DUSP14: variants seen among roughly 807,000 people sequenced by gnomAD.
DUSP14 encodes the protein dual specificity protein phosphatase 14.
Under a neutral mutation model 13.2 loss-of-function variants are expected in DUSP14, and 5 were observed. That is an observed-to-expected ratio of 0.38 (90% confidence interval 0.20 to 0.80). The LOEUF (loss-of-function observed/expected upper bound fraction) is 0.80. Ranked by LOEUF, DUSP14 falls within the 30% of genes least tolerant of loss-of-function variation. The probability of loss-of-function intolerance (pLI) is 0.44; values close to 1 mark genes in which losing one functional copy is unlikely to be tolerated. For synonymous variants in DUSP14, 91 were observed against 103.4 expected, an observed-to-expected ratio of 0.88 and a Z score of 0.73; for missense variants, 185 against 264.0, an observed-to-expected ratio of 0.70 and a Z score of 2.07.
chr17:37,506,689 A>G (rs959815249), intron 1 of DUSP14, among the ~76,000 whole-genome samples: 67 of 152,150 alleles, frequency 4.4e-4, no homozygotes, highest in African/African-American at 1.6e-3. Flanking sequence ...ATTTTTTACC[A>G]TCCAGTTCTA....
chr17:37,495,749 T>C (rs1007613233), intron 1 of DUSP14, among the ~76,000 whole-genome samples: 5 of 152,072 alleles, frequency 3.3e-5, no homozygotes, highest in Non-Finnish European at 5.9e-5. Flanking sequence ...AACCTCCGCT[T>C]CCCAGGTTCA....
At chr17:37,507,091 A>G (rs1202172917) in intron 1 of DUSP14, among the ~76,000 whole-genome samples, 1 of 152,184 alleles carries the variant, frequency 6.6e-6, no homozygotes, top group Non-Finnish European at 1.5e-5. Flanking sequence ...TCACTTCTCA[A>G]GTTGAAATCT....
chr17:37,491,421 A>C (rs1359617332), intron 1 of DUSP14: 7 of 152,290 alleles, frequency 4.6e-5, no homozygotes, highest in Admixed American at 1.3e-4. Context: ...AGCCCTGCAC[A>C]GGAGGCTTGA....
At chr17:37,511,937 A>AATTTT (rs1329764853) in intron 2 of DUSP14, among the ~76,000 whole-genome samples, 1 of 16,438 alleles carries the variant, frequency 6.1e-5, no homozygotes. Context: ...CCCCCACCCC[A>AATTTT]CTTTTTTTTT....
At chr17:37,503,701 GTTA>G (rs1201023704) in intron 1 of DUSP14, among the ~76,000 whole-genome samples, 2 of 152,366 alleles carry the variant, frequency 1.3e-5, no homozygotes, top group South Asian at 2.1e-4. Context: ...ACCTTTTATA[GTTA>G]TTGATAGTCT....
At chr17:37,490,623 C>T (rs943272584) in intron 1 of DUSP14, among the ~76,000 whole-genome samples, 3 of 152,014 alleles carry the variant, frequency 2.0e-5, no homozygotes, top group African/African-American at 7.2e-5. Flanking sequence ...GTGGTACCAG[C>T]CAGTGTTATG....
chr17:37,506,555 A>T (rs1443400768), intron 1 of DUSP14, among the ~76,000 whole-genome samples: 6 of 152,132 alleles, frequency 3.9e-5, no homozygotes, highest in Non-Finnish European at 8.8e-5. Context: ...AGAGAGCACC[A>T]TGCAATTTGT....
rs187520488 is a variant in DUSP14, at chr17:37,501,115, C to T, written c.-180-9562C>T. ...GGAAAGCTTCTTAACCTCCATTTAC[C>T]TCTGATTCTCTGGGAACTGCAACAG... On this transcript the variant is annotated intron_variant, in intron 1 of 2. Coordinates refer to ENST00000617516, the MANE Select transcript of DUSP14 (RefSeq NM_007026.4). Among the ~76,000 whole-genome samples, 468 of 152,254 alleles carry T rather than the reference C, an allele frequency of 3.1e-3. 2 individuals are homozygous for T. Among genetic ancestry groups the T allele is most frequent in the Non-Finnish European group, 5.1e-3 (346 of 68,036 alleles).
chr17:37,495,675 T>TG, intron 1 of DUSP14, among the ~76,000 whole-genome samples: 1 of 151,726 alleles, frequency 6.6e-6, no homozygotes, highest in East Asian at 1.9e-4. Flanking sequence ...TTTGTTTTTT[T>TG]TTTGAGACGG....
At chr17:37,508,640 A>G (rs1041786690) in intron 1 of DUSP14, among the ~76,000 whole-genome samples, 2 of 151,912 alleles carry the variant, frequency 1.3e-5, no homozygotes, top group Non-Finnish European at 1.5e-5. Flanking sequence ...AGGCTGAGGC[A>G]GGAGAATCTC....
At chr17:37,508,911 C>T (rs1173281660) in intron 1 of DUSP14, among the ~76,000 whole-genome samples, 1 of 147,812 alleles carries the variant, frequency 6.8e-6, no homozygotes, top group African/African-American at 2.5e-5. Flanking sequence ...TACGTGGATG[C>T]TCATAGCAGC....
intron 1 of DUSP14, among the ~76,000 whole-genome samples, chr17:37,496,915 CAAAAAAA>C (rs71135730): frequency 1.0e-4 from 10 of 98,644 alleles, no homozygotes; most frequent in Non-Finnish European, 1.8e-4. Context: ...GACTCTGTCT[CAAAAAAA>C]AAAAAAAAAA....
chr17:37,506,140 C>T (rs755666818), intron 1 of DUSP14, among the ~76,000 whole-genome samples: 3 of 151,994 alleles, frequency 2.0e-5, no homozygotes, highest in Non-Finnish European at 4.4e-5. Context: ...TGGCATGCAC[C>T]TGTAATCCCA....
intron 1 of DUSP14, among the ~76,000 whole-genome samples, chr17:37,502,717 C>A (rs945067955): frequency 3.3e-5 from 5 of 152,044 alleles, no homozygotes; most frequent in Non-Finnish European, 7.4e-5. Flanking sequence ...TAGCTAAACA[C>A]CCATGGCCTC....
At chr17:37,494,999 C>T (rs1455225569) in intron 1 of DUSP14, among the ~76,000 whole-genome samples, 1 of 151,962 alleles carries the variant, frequency 6.6e-6, no homozygotes, top group Non-Finnish European at 1.5e-5. Context: ...ATTTTAGAAA[C>T]CACATGCGGA....
At chr17:37,499,550 A>G (rs896650120) in intron 1 of DUSP14, among the ~76,000 whole-genome samples, 9 of 151,820 alleles carry the variant, frequency 5.9e-5, no homozygotes, top group African/African-American at 1.9e-4. Context: ...GTTTTTTGAG[A>G]CAGAGTTTCG....
chr17:37,510,962 C>T (rs2054179722), intron 2 of DUSP14, among the ~76,000 whole-genome samples, 198 bp downstream of exon 2: 2 of 149,368 alleles, frequency 1.3e-5, no homozygotes, highest in Admixed American at 1.3e-4. Context: ...CTGAGAACTT[C>T]CTTTTCTGCT....
intron 1 of DUSP14, among the ~76,000 whole-genome samples, chr17:37,499,041 C>G (rs1224383903): frequency 1.3e-5 from 2 of 152,216 alleles, no homozygotes; most frequent in Admixed American, 6.5e-5. Context: ...CTATGAAGAA[C>G]TGCCTGAGAC....
chr17:37,505,710 A>T (rs1168605500), intron 1 of DUSP14, among the ~76,000 whole-genome samples: 2 of 146,430 alleles, frequency 1.4e-5, no homozygotes, highest in Non-Finnish European at 1.5e-5. Flanking sequence ...TGATTAGGCC[A>T]TGACCCCATG....
Sources: allele counts gnomAD v4.1 joint callset (sites outside exome capture counted in the v4.1 genomes callset), GRCh38; gene constraint gnomAD v4.1.1; transcripts MANE v1.5; gene names NCBI Gene and HGNC (gene_info 2026-07-23, HGNC 2026-07-21).